ADD1: variants seen among roughly 807,000 people sequenced by gnomAD.
ADD1 encodes the protein adducin 1, also known as alpha-adducin.
ADD1 carries 24 observed loss-of-function variants against 80.5 expected under a neutral mutation model. The observed-to-expected ratio is 0.30, with a 90% CI of 0.22 to 0.42. ADD1 has a LOEUF of 0.42. Among genes scored for constraint, ADD1 ranks in the 10% least tolerant of loss-of-function variants. The pLI is 1.00. For missense variants in ADD1, 948 were observed against 1,019.0 expected, an observed-to-expected ratio of 0.93 and a Z score of 0.95; for synonymous variants, 373 against 393.8, an observed-to-expected ratio of 0.95 and a Z score of 0.63.
At chr4:2,847,650 C>CCCGGGTTCA (rs1474321958) in intron 1 of ADD1, among the ~76,000 whole-genome samples, 2 of 151,928 alleles carry the variant, frequency 1.3e-5, no homozygotes, top group Non-Finnish European at 2.9e-5. Flanking sequence ...GACACAGCCT[C>CCCGGGTTCA]CAGAAGTCCT....
intron 13 of ADD1, among the ~76,000 whole-genome samples, chr4:2,911,448 A>ATATT (rs553567632): frequency 4.6e-5 from 6 of 130,520 alleles, no homozygotes; most frequent in Non-Finnish European, 8.0e-5. Flanking sequence ...ATATATATAT[A>ATATT]TTTTTTTTTT....
At chr4:2,892,536 A>G (rs756069098) in intron 4 of ADD1, among the ~76,000 whole-genome samples, 2 of 152,190 alleles carry the variant, frequency 1.3e-5, no homozygotes, top group Non-Finnish European at 2.9e-5. Flanking sequence ...TAGAGACTTA[A>G]GAAATGGATT....
intron 4 of ADD1, among the ~76,000 whole-genome samples, chr4:2,889,719 G>A (rs1733980391): frequency 6.6e-6 from 1 of 152,172 alleles, no homozygotes; most frequent in Non-Finnish European, 1.5e-5. Flanking sequence ...TTGCTGGGGA[G>A]GCTGAGACAG....
intron 1 of ADD1, among the ~76,000 whole-genome samples, chr4:2,852,138 T>TTTTCTTTATTTC (rs1727191748): frequency 1.0e-5 from 1 of 97,580 alleles, no homozygotes; most frequent in Admixed American, 1.1e-4. Context: ...ACCCGGCCTC[T>TTTTCTTTATTTC]TTTCTTTCTT....
chr4:2,927,116 C>T (rs771013833), intron 15 of ADD1, among the ~76,000 whole-genome samples: 5 of 152,218 alleles, frequency 3.3e-5, no homozygotes, highest in South Asian at 4.1e-4. Context: ...ATTGGACCCT[C>T]GTAAAGCAGT....
At position 2,893,292 on chromosome 4, in the gene ADD1, A is replaced by G. The variant is rs531125848; in HGVS notation, c.511-721A>G. On this transcript the variant is annotated intron_variant, in intron 4 of 15. Transcript: ENST00000683351. ...CCTACTGCAGCAAGGAAAAAAAAAA[A>G]AGGACATTCTGTTTGACTTTTTAAA... Among the ~76,000 whole-genome samples the G allele has an allele frequency of 2.0e-5, 3 of 152,074 alleles. No individual in the cohort carries two copies. In the East Asian group the frequency reaches 5.8e-4, roughly 29 times the overall value.
intron 8 of ADD1, 137 bp downstream of exon 8, chr4:2,898,668 G>A: frequency 1.3e-6 from 1 of 769,772 alleles, no homozygotes; most frequent in Non-Finnish European, 2.2e-6. Flanking sequence ...TCATGGATTT[G>A]GGACTTGATC....
In ADD1 at chr4:2,929,392, TAACTC is replaced by T. The variant is rs1023142934; in HGVS notation, c.*871_*875del. ...AGGCTTCAGGGGACTGTTCTCACCT[TAACTC>T]AGCCAGAAAGATGCCCTAGTTGTGA... On this transcript the variant is annotated 3_prime_UTR_variant, in exon 16 of 16. Coordinates refer to ENST00000683351, the MANE Select transcript of ADD1 (RefSeq NM_001354761.2). 4 of 152,306 alleles carry T rather than the reference TAACTC, an allele frequency of 2.6e-5. No homozygotes were observed. Among genetic ancestry groups the T allele is most frequent in the African/African-American group, 4.8e-5 (2 of 41,456 alleles). The allele number at this position is 152,306 out of a possible 1,614,324, so 9.4% of individuals were successfully genotyped here. A position where few individuals can be genotyped will look rare whatever the true frequency, so the allele number is the denominator to read the frequency against.
At chr4:2,865,755 A>G (rs1044246535) in intron 1 of ADD1, among the ~76,000 whole-genome samples, 21 of 152,168 alleles carry the variant, frequency 1.4e-4, no homozygotes, top group African/African-American at 5.1e-4. Flanking sequence ...TGAAATTCAG[A>G]AAAAAAATTT....
At chr4:2,895,217 C>G (rs1734995342) in intron 6 of ADD1, among the ~76,000 whole-genome samples, 3 of 152,078 alleles carry the variant, frequency 2.0e-5, no homozygotes, top group Admixed American at 2.0e-4. Context: ...GGTTGTGCCT[C>G]TGAACTCTAG....
intron 4 of ADD1, 39 bp from the exon 5 acceptor site, chr4:2,893,974 A>G: frequency 6.4e-7 from 1 of 1,562,848 alleles, no homozygotes; most frequent in Non-Finnish European, 8.8e-7. Flanking sequence ...AAATAATTTC[A>G]CTTGGATCTT....
intron 4 of ADD1, among the ~76,000 whole-genome samples, chr4:2,888,618 A>C (rs1733793116): frequency 1.3e-5 from 2 of 151,324 alleles, no homozygotes; most frequent in African/African-American, 4.9e-5. Context: ...GGGTTTCACC[A>C]TGTTGGCCAG....
intron 1 of ADD1, among the ~76,000 whole-genome samples, chr4:2,851,182 A>G (rs1023319698): frequency 6.6e-6 from 1 of 152,166 alleles, no homozygotes; most frequent in African/African-American, 2.4e-5. Context: ...CGGAATAGCT[A>G]GGACTACTGG....
rs192299459 is a variant in ADD1, at chr4:2,882,138, G to A, written c.358+78G>A. 7.0e-4 allele frequency: 957 copies of A among 1,362,744 alleles called. 3 individuals carry two copies. The highest frequency in any genetic ancestry group is 4.5e-3 in the Middle Eastern group (24 of 5,378). 84.4% of individuals were successfully genotyped at this position (1,362,744 alleles called of 1,614,324 possible). On this transcript the variant is annotated intron_variant, in intron 3 of 15. Coordinates refer to ENST00000683351, the MANE Select transcript of ADD1 (RefSeq NM_001354761.2). The stretch of plus-strand genomic sequence containing the variant: ...CCTGAAGATTGCTCATGTGAAATAA[G>A]TGGGCATTTAACTGTATAACATAAC...
chr4:2,863,010 T>A (rs1729025359), intron 1 of ADD1, among the ~76,000 whole-genome samples: 1 of 152,110 alleles, frequency 6.6e-6, no homozygotes, highest in South Asian at 2.1e-4. Flanking sequence ...CTATAGAGAC[T>A]TCTGGAGTGT....
At chr4:2,852,189 T>TCTTTCTTCCTTTCTTCCTTTCTTC (rs1727257745) in intron 1 of ADD1, among the ~76,000 whole-genome samples, 4 of 50,754 alleles carry the variant, frequency 7.9e-5, no homozygotes, top group African/African-American at 2.8e-4. Flanking sequence ...TTTCTTTCTT[T>TCTTTCTTCCTTTCTTCCTTTCTTC]CTTTCTTTCC....
intron 9 of ADD1, chr4:2,900,567 A>T (rs1273307229): frequency 1.3e-5 from 2 of 152,402 alleles, no homozygotes. Flanking sequence ...CACAGATGAG[A>T]TGGGTGGCTT....
Position 2,898,194 on chromosome 4 carries a change from T to C in ADD1, c.752T>C (p.Met251Thr). The change falls in exon 7 of 16, where the codon ATG becomes ACG. Residue 251 changes from methionine to threonine, a missense_variant. Physicochemically the swap from Met to Thr is moderately conservative, Grantham distance 81. Coordinates refer to ENST00000683351, the MANE Select transcript of ADD1 (RefSeq NM_001354761.2). Reference protein sequence around the residue: ...HTPAGAAVSAMKCGLLPISPE... With the variant: ...HTPAGAAVSATKCGLLPISPE... ...CCATTTGGTCTCTAGGTCTCTGCAA[T>C]GAAATGTGGCCTCTTGCCAATCTCC... The C allele has an allele frequency of 6.2e-7, 1 of 1,613,304 alleles. No individual in the cohort carries two copies. The highest frequency in any genetic ancestry group is 8.5e-7 in the Non-Finnish European group (1 of 1,179,558).
intron 1 of ADD1, chr4:2,844,498 A>C (rs894987604): frequency 6.6e-6 from 1 of 152,224 alleles, no homozygotes; most frequent in Non-Finnish European, 1.5e-5. Context: ...CTGCCGACGG[A>C]CGCTCGAGAG....
Sources: allele counts gnomAD v4.1 joint callset (sites outside exome capture counted in the v4.1 genomes callset), GRCh38; gene constraint gnomAD v4.1.1; transcripts MANE v1.5; gene names NCBI Gene and HGNC (gene_info 2026-07-23, HGNC 2026-07-21).